The following CYC1 variants were observed in gnomAD, a reference collection of about 807,000 sequenced individuals.
CYC1 encodes cytochrome c1.
Under a neutral mutation model 33.8 loss-of-function variants are expected in CYC1, and 10 were observed. That is an observed-to-expected ratio of 0.30 (90% CI 0.18 to 0.50). The LOEUF is 0.50. CYC1 is among the 20% of genes least tolerant of loss of function. The pLI is 0.98. For missense variants in CYC1, 459 were observed against 437.6 expected (o/e 1.05, Z -0.44); for synonymous variants, 224 against 181.9 (o/e 1.23, Z -1.86).
chr8:144,096,184 C>T lies in CYC1; in HGVS notation c.387C>T (p.Phe129=), dbSNP rs773644422. 6.2e-7 allele frequency: 1 copy of T among 1,614,060 alleles called. No homozygotes were observed. The highest frequency in any genetic ancestry group is 8.5e-7 in the Non-Finnish European group (1 of 1,179,970). ...QVCASCHSMD[F]VAYRHLVGVC... ...GCGCCTCCTGCCACAGCATGGACTT[C>T]GTGGCCTACCGCCACCTGGTGGGCG... The change falls in exon 3 of 7, where the codon TTC becomes TTT. Residue 129 remains phenylalanine (F), a synonymous_variant. Transcript: ENST00000318911.
Position 144,095,222 on chromosome 8 carries a change from ACCT to A in CYC1, c.125_127del (p.Pro42del). 3 of 1,198,780 alleles carry A rather than the reference ACCT, an allele frequency of 2.5e-6. No homozygotes were observed. The highest frequency in any genetic ancestry group is 3.1e-6 in the Non-Finnish European group (3 of 966,402). The allele number at this position is 1,198,780 out of a possible 1,614,324, so 74.3% of individuals were successfully genotyped here. On this transcript the variant is annotated inframe_deletion, in exon 1 of 7. Transcript: ENST00000318911. The stretch of plus-strand genomic sequence containing the variant: ...GTCCCGGGCAGCTCCCGCTACGGAC[ACCT>A]CAGGTGAGCGCTGGGCCGGGCCCCG...
Position 144,097,369 on chromosome 8 carries a change from A to G in CYC1, c.*33A>G. The G allele has an allele frequency of 6.3e-7, 1 of 1,587,990 alleles. No individual in the cohort carries two copies. The highest frequency in any genetic ancestry group is 8.6e-7 in the Non-Finnish European group (1 of 1,158,152). ...CAGTGTCTGCTTGCCATCCTGCCAG[A>G]ACAGGCCCTCAAGCCCAAGAGCCAT... On this transcript the variant is annotated 3_prime_UTR_variant, in exon 7 of 7. Coordinates refer to ENST00000318911, the MANE Select transcript of CYC1 (RefSeq NM_001916.5).
rs61745189 is a variant in CYC1, at chr8:144,096,953, G to A, written c.773-81G>A. On this transcript the variant is annotated intron_variant, in intron 5 of 6. Coordinates refer to ENST00000318911, the MANE Select transcript of CYC1 (RefSeq NM_001916.5). ...CCCTTTGATGCCTTGGGTAGGGGCA[G>A]TGTCTGCTTCACAGAGGGGGGGCAT... The A allele has an allele frequency of 1.5e-3, 2,012 of 1,316,068 alleles. 18 individuals carry two copies. The African/African-American group carries it at 0.026, about 17-fold the overall frequency. 81.5% of individuals were successfully genotyped at this position (1,316,068 alleles called of 1,614,324 possible). A position where few individuals can be genotyped will look rare whatever the true frequency, so the allele number is the denominator to read the frequency against.
rs1472804987 is a variant in CYC1, at chr8:144,096,854, G to C, written c.772+110G>C. The C allele has an allele frequency of 2.2e-6, 3 of 1,361,032 alleles. No homozygotes were observed. In the African/African-American group the frequency reaches 4.3e-5, roughly 20 times the overall value. 84.3% of individuals were successfully genotyped at this position (1,361,032 alleles called of 1,614,324 possible). On this transcript the variant is annotated intron_variant, in intron 5 of 6. Transcript: ENST00000318911. ...GGAGGTCCTGCCCACTTCTTGTCTGGGGCGTCTTCTGTGCATGTCTCAGGA... is the reference window on the plus strand; with the variant it reads ...GGAGGTCCTGCCCACTTCTTGTCTGCGGCGTCTTCTGTGCATGTCTCAGGA...
rs3211463 is a variant in CYC1 at position 144,096,596 on chromosome 8, G to A, written c.624G>A (p.Glu208=). ...GATCTGGTCCTAGGCATGGTGGTGA[G>A]GACTACGTCTTCTCCCTGCTCACGG... The part of the protein sequence containing the change: ...SYIVRARHGG[E]DYVFSLLTGY... The change falls in exon 5 of 7, where the codon GAG becomes GAA. Residue 208 remains glutamate, a synonymous_variant. Transcript: ENST00000318911. The A allele has an allele frequency of 1.1e-5, 17 of 1,613,962 alleles. No individual in the cohort carries two copies. Among genetic ancestry groups the A allele is most frequent in the Non-Finnish European group, 1.4e-5 (17 of 1,180,022 alleles).
In CYC1 at chr8:144,096,666, T is replaced by C. The variant is rs779921966; in HGVS notation, c.694T>C (p.Tyr232His). 3.7e-6 allele frequency: 6 copies of C among 1,614,048 alleles called. No homozygotes were observed. The highest frequency in any genetic ancestry group is 2.2e-5 in the South Asian group (2 of 91,086). The change falls in exon 5 of 7, where the codon TAC becomes CAC. Residue 232 changes from tyrosine to histidine, a missense_variant. Coordinates refer to ENST00000318911, the MANE Select transcript of CYC1 (RefSeq NM_001916.5). ...PTGVSLREGL[Y>H]FNPYFPGQAI... Reference sequence around the variant, plus strand: ...CGGGGTGTCACTGCGGGAAGGTCTCTACTTCAACCCCTACTTTCCTGGCCA... The same window carrying C: ...CGGGGTGTCACTGCGGGAAGGTCTCCACTTCAACCCCTACTTTCCTGGCCA...
chr8:144,095,965 G>C lies in CYC1; in HGVS notation c.262G>C (p.Glu88Gln), dbSNP rs763522648. Residue 88 changes from glutamate to glutamine, a missense_variant, in exon 2 of 7, where the codon GAG (glutamate) becomes CAG (glutamine). Coordinates refer to ENST00000318911, the MANE Select transcript of CYC1 (RefSeq NM_001916.5). Reference sequence around the variant, plus strand: ...TTCGGCTGTGAGTGCCAGTGACCTGGAGCTGCACCCCCCCAGCTATCCGTG... The same window carrying C: ...TTCGGCTGTGAGTGCCAGTGACCTGCAGCTGCACCCCCCCAGCTATCCGTG... ...LHSAVSASDL[E>Q]LHPPSYPWSH... is the part of the protein sequence containing the mutation. 1 of 1,608,100 alleles carries C rather than the reference G, an allele frequency of 6.2e-7. No homozygotes were observed. Among genetic ancestry groups the C allele is most frequent in the Non-Finnish European group, 8.5e-7 (1 of 1,179,678 alleles).
In CYC1 at chr8:144,096,467, C is replaced by T; in HGVS notation, c.584C>T (p.Pro195Leu). ...ARAANNGALP[P>L]DLSYIVRARH... ...GCTGCCAACAACGGAGCATTGCCCC[C>T]TGACCTCAGCTACATCGTGCGAGCT... The change falls in exon 4 of 7, where the codon CCT (proline) becomes CTT (leucine). Residue 195 changes from proline to leucine, a missense_variant. By Grantham distance (98) the Pro-to-Leu change is moderately conservative. Coordinates refer to ENST00000318911, the MANE Select transcript of CYC1 (RefSeq NM_001916.5). 1.9e-6 allele frequency: 3 copies of T among 1,614,144 alleles called. No individual in the cohort carries two copies. Among genetic ancestry groups the T allele is most frequent in the Non-Finnish European group, 2.5e-6 (3 of 1,180,012 alleles).
In CYC1 at chr8:144,095,919, G is replaced by A. The variant is rs1354830631; in HGVS notation, c.216G>A (p.Ala72=). The change falls in exon 2 of 7, where the codon GCG becomes GCA. Residue 72 remains alanine, a synonymous_variant. Coordinates refer to ENST00000318911, the MANE Select transcript of CYC1 (RefSeq NM_001916.5). ...TGGGCATGCTGGCGGCAGGGGGTGC[G>A]GGGCTGGCCATGGCTCTGCATTCGG... ...SALGMLAAGG[A]GLAMALHSAV... 6.2e-7 allele frequency: 1 copy of A among 1,609,032 alleles called. No homozygotes were observed. The highest frequency in any genetic ancestry group is 8.5e-7 in the Non-Finnish European group (1 of 1,179,888).
In CYC1 at chr8:144,095,947, G is replaced by C. The variant is rs771890509; in HGVS notation, c.244G>C (p.Val82Leu). The change falls in exon 2 of 7, where the codon GTG (valine) becomes CTG (leucine). Residue 82 changes from valine (V) to leucine (L), a missense_variant. Physicochemically the swap from Val to Leu is conservative, Grantham distance 32 (BLOSUM62 1). Coordinates refer to ENST00000318911, the MANE Select transcript of CYC1 (RefSeq NM_001916.5). ...AGLAMALHSAVSASDLELHPP... is the reference protein window; with the variant it reads ...AGLAMALHSALSASDLELHPP... ...GCTGGCCATGGCTCTGCATTCGGCT[G>C]TGAGTGCCAGTGACCTGGAGCTGCA... is the stretch of plus-strand genomic sequence containing the variant. The C allele has an allele frequency of 6.2e-6, 10 of 1,608,296 alleles. No homozygotes were observed. The highest frequency in any genetic ancestry group is 4.0e-5 in the African/African-American group (3 of 74,912).
chr8:144,095,303 C>T (rs892460090), intron 1 of CYC1, 75 bp downstream of exon 1: 1 of 1,153,488 alleles, frequency 8.7e-7, no homozygotes, highest in African/African-American at 1.6e-5. Context: ...AGGCTGCGGG[C>T]GCGGGCCTGG....
Position 144,096,501 on chromosome 8 carries a change from G to C in CYC1, c.611+7G>C, listed in dbSNP as rs750740582. On this transcript the variant is annotated splice_region_variant and intron_variant, in intron 4 of 6. Coordinates refer to ENST00000318911, the MANE Select transcript of CYC1 (RefSeq NM_001916.5). ...GCTACATCGTGCGAGCTAGGTACAC[G>C]GGCTGCCCATGGGGTGGTGCTGGAG... 1 of 1,614,148 alleles carries C rather than the reference G, an allele frequency of 6.2e-7. No homozygotes were observed. Among genetic ancestry groups the C allele is most frequent in the South Asian group, 1.1e-5 (1 of 91,082 alleles).
chr8:144,095,348 C>T, intron 1 of CYC1, 120 bp downstream of exon 1: 1 of 885,948 alleles, frequency 1.1e-6, no homozygotes, highest in Non-Finnish European at 1.5e-6. Context: ...CCCAGCGTCC[C>T]CGGTCCCAGC....
At chr8:144,095,492 G>A (rs1312323199) in intron 1 of CYC1, 2 of 432,530 alleles carry the variant, frequency 4.6e-6, no homozygotes, top group Non-Finnish European at 8.1e-6. Context: ...CCCGAATGGC[G>A]CGCCCAGGAC....
chr8:144,095,732 C>A, intron 1 of CYC1, 101 bp from the exon 2 acceptor site: 3 of 1,273,704 alleles, frequency 2.4e-6, no homozygotes, highest in Non-Finnish European at 3.3e-6. Context: ...TGGTGCCCTG[C>A]AGGAGGAGGC....
rs1045163462 is a variant in CYC1, at chr8:144,095,220, A to G, written c.121A>G (p.Thr41Ala). 25 of 1,199,654 alleles carry G rather than the reference A, an allele frequency of 2.1e-5. No homozygotes were observed. In the African/African-American group the frequency reaches 4.0e-4, roughly 19 times the overall value. The allele number at this position is 1,199,654 out of a possible 1,614,324, so 74.3% of individuals were successfully genotyped here. ...SARPGQLPLR[T>A]PQAVALSSKS... ...GCGTCCCGGGCAGCTCCCGCTACGGACACCTCAGGTGAGCGCTGGGCCGGG... is the reference window on the plus strand; with the variant it reads ...GCGTCCCGGGCAGCTCCCGCTACGGGCACCTCAGGTGAGCGCTGGGCCGGG... The change falls in exon 1 of 7, where the codon ACA (threonine) becomes GCA (alanine). Residue 41 changes from threonine to alanine, a missense_variant. Physicochemically the swap from Thr to Ala is moderately conservative, Grantham distance 58. Transcript: ENST00000318911.
Position 144,096,571 on chromosome 8 carries a change from G to T in CYC1, c.612-13G>T, listed in dbSNP as rs762742693. 1 of 1,613,928 alleles carries T rather than the reference G, an allele frequency of 6.2e-7. No homozygotes were observed. Among genetic ancestry groups the T allele is most frequent in the Non-Finnish European group, 8.5e-7 (1 of 1,179,980 alleles). On this transcript the variant is annotated splice_polypyrimidine_tract_variant and intron_variant, in intron 4 of 6. Coordinates refer to ENST00000318911, the MANE Select transcript of CYC1 (RefSeq NM_001916.5). ...TTGTGCTTGGAACTAAGGAGCCATG[G>T]ATCTGGTCCTAGGCATGGTGGTGAG...
rs970947838 is a variant in CYC1 at position 144,096,155 on chromosome 8, G to T, written c.358G>T (p.Val120Leu). The change falls in exon 3 of 7, where the codon GTG becomes TTG. Residue 120 changes from valine (V) to leucine (L), a missense_variant. Coordinates refer to ENST00000318911, the MANE Select transcript of CYC1 (RefSeq NM_001916.5). ...GAGGGGTTTCCAGGTATATAAGCAG[G>T]TGTGCGCCTCCTGCCACAGCATGGA... ...IRRGFQVYKQ[V>L]CASCHSMDFV... The T allele has an allele frequency of 6.2e-7, 1 of 1,613,786 alleles. No homozygotes were observed. Among genetic ancestry groups the T allele is most frequent in the African/African-American group, 1.3e-5 (1 of 75,024 alleles).
In CYC1 at chr8:144,097,047, C is replaced by T; in HGVS notation, c.786C>T (p.Thr262=). ...GTCGTTGGCCAGGCACCCCAGCTAC[C>T]ATGTCCCAGATAGCCAAGGATGTGT... ...VLEFDDGTPA[T]MSQIAKDVCT... The change falls in exon 6 of 7, where the codon ACC becomes ACT. Residue 262 remains threonine, a synonymous_variant. Coordinates refer to ENST00000318911, the MANE Select transcript of CYC1 (RefSeq NM_001916.5). 2 of 1,608,062 alleles carry T rather than the reference C, an allele frequency of 1.2e-6. No individual in the cohort carries two copies. The highest frequency in any genetic ancestry group is 2.2e-5 in the South Asian group (2 of 89,956).
Sources: allele counts gnomAD v4.1 joint callset, GRCh38; gene constraint gnomAD v4.1.1; transcripts MANE v1.5; gene names NCBI Gene and HGNC (gene_info 2026-07-23, HGNC 2026-07-21).